The following FUT8 variants were observed in gnomAD, a reference collection of about 807,000 sequenced individuals.
The protein encoded by FUT8 is fucosyltransferase 8, also known as alpha-(1,6)-fucosyltransferase.
In FUT8, 29 loss-of-function variants were observed where a neutral mutation model predicts 71.3. That is an observed-to-expected ratio of 0.41 (90% CI 0.30 to 0.55). FUT8 has a LOEUF of 0.55. Ranked by LOEUF, FUT8 falls within the 20% of genes least tolerant of loss-of-function variation. The pLI is 0.34. For missense variants in FUT8, 544 were observed against 702.1 expected (o/e 0.77, Z 2.55); for synonymous variants, 254 against 239.3 (o/e 1.06, Z -0.57).
At chr14:65,484,625 GA>G (rs772264222) in intron 2 of FUT8, among the ~76,000 whole-genome samples, 20 of 152,074 alleles carry the variant, frequency 1.3e-4, no homozygotes, top group Non-Finnish European at 2.6e-4. Context: ...AGGGAGCCAA[GA>G]TCATGCCACT....
chr14:65,594,561 CTTT>C (rs1472687429), intron 3 of FUT8, among the ~76,000 whole-genome samples: 1 of 152,172 alleles, frequency 6.6e-6, no homozygotes, highest in Non-Finnish European at 1.5e-5. Context: ...GTATGACAGA[CTTT>C]TTGGGTACCG....
chr14:65,699,145 TACACACACACAC>T (rs60092488), intron 7 of FUT8, among the ~76,000 whole-genome samples: 19,149 of 132,006 alleles, frequency 0.15, 1,634 homozygotes, highest in South Asian at 0.24. Context: ...CCCTCCCTTC[TACACACACACAC>T]ACACACACAC....
At chr14:65,559,687 A>G (rs188193637) in intron 2 of FUT8, among the ~76,000 whole-genome samples, 12 of 152,272 alleles carry the variant, frequency 7.9e-5, no homozygotes, top group Non-Finnish European at 1.5e-4. Context: ...TCAATTTCTT[A>G]TGCCATCAGA....
At chr14:65,393,391 T>G in the FUT8 span, among the ~76,000 whole-genome samples, 2 of 152,150 alleles carry the variant, frequency 1.3e-5, no homozygotes, top group Non-Finnish European at 2.9e-5. Flanking sequence ...TTCTGTAGAC[T>G]AGGAGGATGT....
At chr14:65,398,745 G>C in the FUT8 span, among the ~76,000 whole-genome samples, 4 of 151,016 alleles carry the variant, frequency 2.6e-5, no homozygotes, top group African/African-American at 9.7e-5. Context: ...AAAAAACAAA[G>C]AAACAAAAAC....
At chr14:65,537,687 G>A (rs930896654) in intron 2 of FUT8, among the ~76,000 whole-genome samples, 1 of 152,094 alleles carries the variant, frequency 6.6e-6, no homozygotes, top group South Asian at 2.1e-4. Flanking sequence ...GCACCTGGCC[G>A]AGTTGTTGGA....
chr14:65,705,049 A>G (rs1356962601), intron 7 of FUT8, among the ~76,000 whole-genome samples: 4 of 152,258 alleles, frequency 2.6e-5, no homozygotes. Context: ...GAATGTTGCT[A>G]ACACTGCACT....
At chr14:65,496,630 C>G (rs2066564406) in intron 2 of FUT8, among the ~76,000 whole-genome samples, 1 of 152,134 alleles carries the variant, frequency 6.6e-6, no homozygotes, top group Non-Finnish European at 1.5e-5. Context: ...TGCCTCTTCC[C>G]CTTCTGCCAT....
At chr14:65,424,539 C>CTTTTTTTTTTTTTTTTTT (rs796843891) in intron 1 of FUT8, among the ~76,000 whole-genome samples, 58 of 125,362 alleles carry the variant, frequency 4.6e-4, no homozygotes, top group East Asian at 7.0e-4. Context: ...CTTTTCTTTT[C>CTTTTTTTTTTTTTTTTTT]TTTTTTTTTT....
At chr14:65,639,393 G>C (rs1207064607) in intron 6 of FUT8, among the ~76,000 whole-genome samples, 1 of 152,008 alleles carries the variant, frequency 6.6e-6, no homozygotes, top group Non-Finnish European at 1.5e-5. Flanking sequence ...TGGATATACT[G>C]GGCATTAGGT....
chr14:65,426,851 A>G (rs1312868367), intron 1 of FUT8, among the ~76,000 whole-genome samples: 1 of 152,064 alleles, frequency 6.6e-6, no homozygotes, highest in African/African-American at 2.4e-5. Context: ...ACATGCACAC[A>G]TAACACATTT....
chr14:65,447,499 A>G (rs1046267651), intron 1 of FUT8, among the ~76,000 whole-genome samples: 2 of 152,134 alleles, frequency 1.3e-5, no homozygotes, highest in African/African-American at 4.8e-5. Flanking sequence ...ATGTTTTGAC[A>G]AAAGATTAAA....
At chr14:65,539,138 C>CCT (rs768282364) in intron 2 of FUT8, among the ~76,000 whole-genome samples, 2 of 152,170 alleles carry the variant, frequency 1.3e-5, no homozygotes, top group Non-Finnish European at 2.9e-5. Context: ...CTTGCCAAAA[C>CCT]TGCTTTTGTT....
intron 2 of FUT8, among the ~76,000 whole-genome samples, chr14:65,542,213 G>A (rs1467531584): frequency 6.6e-6 from 1 of 152,108 alleles, no homozygotes; most frequent in Non-Finnish European, 1.5e-5. Context: ...AATTATGACG[G>A]TCATTTTAAA....
chr14:65,705,809 T>A (rs1232736272), intron 7 of FUT8, among the ~76,000 whole-genome samples: 1 of 152,220 alleles, frequency 6.6e-6, no homozygotes, highest in East Asian at 1.9e-4. Flanking sequence ...TTCATTGTAG[T>A]CATTTATTGA....
Position 65,629,597 on chromosome 14 carries a change from A to C in FUT8, c.588A>C (p.Thr196=). 6.2e-7 allele frequency: 1 copy of C among 1,609,606 alleles called. No individual in the cohort carries two copies. The highest frequency in any genetic ancestry group is 8.5e-7 in the Non-Finnish European group (1 of 1,175,854). ...CAGAACTGGTTCAGCGGAGAATAAC[A>C]TATCTTCAGGTAAGAAGGTTGGGTT... ...DLTELVQRRI[T]YLQNPKDCSK... The change falls in exon 6 of 11, where the codon ACA becomes ACC. Residue 196 remains threonine, a synonymous_variant. Coordinates refer to ENST00000673929, the MANE Select transcript of FUT8 (RefSeq NM_001371533.1).
intron 3 of FUT8, among the ~76,000 whole-genome samples, chr14:65,588,784 G>A (rs1374145124): frequency 6.6e-6 from 1 of 152,140 alleles, no homozygotes; most frequent in Non-Finnish European, 1.5e-5. Flanking sequence ...TGTTATAATT[G>A]TTCTATTTTA....
At chr14:65,365,292 G>A in the FUT8 span, among the ~76,000 whole-genome samples, 2 of 151,498 alleles carry the variant, frequency 1.3e-5, no homozygotes. Context: ...GAGCAAAGAG[G>A]GGCATGATTC....
At chr14:65,608,615 A>G (rs1252675939) in intron 3 of FUT8, among the ~76,000 whole-genome samples, 2 of 151,942 alleles carry the variant, frequency 1.3e-5, no homozygotes, top group East Asian at 3.9e-4. Context: ...TCAAGTTTTT[A>G]TTTGGGAGAA....
Sources: allele counts gnomAD v4.1 joint callset (sites outside exome capture counted in the v4.1 genomes callset), GRCh38; gene constraint gnomAD v4.1.1; transcripts MANE v1.5; gene names NCBI Gene and HGNC (gene_info 2026-07-23, HGNC 2026-07-21).